RFTN2: variants seen among roughly 807,000 people sequenced by gnomAD.
The protein encoded by RFTN2 is raftlin family member 2.
Under a neutral mutation model 52.7 loss-of-function variants are expected in RFTN2, and 34 were observed. The observed-to-expected ratio is 0.64, with a 90% CI of 0.49 to 0.86. The LOEUF (loss-of-function observed/expected upper bound fraction) is 0.86, where lower values mean the gene tolerates loss of function less well. Ranked by LOEUF, RFTN2 falls within the 40% of genes least tolerant of loss-of-function variation. The pLI, the probability that RFTN2 is intolerant of heterozygous loss-of-function variation, is 0.00. For missense variants in RFTN2, 536 were observed against 600.1 expected (o/e 0.89, Z 1.12); for synonymous variants, 203 against 217.7 (o/e 0.93, Z 0.59).
intron 8 of RFTN2, among the ~76,000 whole-genome samples, chr2:197,575,638 G>A (rs1286991887): frequency 1.3e-5 from 2 of 151,714 alleles, no homozygotes; most frequent in African/African-American, 4.8e-5. Context: ...AGTGGCATGA[G>A]CCTGTAGTCC....
chr2:197,605,225 G>GTT (rs879719344), intron 7 of RFTN2, among the ~76,000 whole-genome samples: 1 of 145,828 alleles, frequency 6.9e-6, no homozygotes, highest in East Asian at 2.0e-4. Flanking sequence ...AATTTGTTGG[G>GTT]TTTTTTTTTT....
At chr2:197,580,983 T>G (rs1417296958) in intron 8 of RFTN2, among the ~76,000 whole-genome samples, 1 of 152,122 alleles carries the variant, frequency 6.6e-6, no homozygotes, top group Non-Finnish European at 1.5e-5. Context: ...TGTCTTCCTC[T>G]CGCATCCCCC....
intron 1 of RFTN2, among the ~76,000 whole-genome samples, chr2:197,648,173 G>A (rs2088779667): frequency 6.6e-6 from 1 of 152,156 alleles, no homozygotes; most frequent in African/African-American, 2.4e-5. Context: ...GGAAGGGCCA[G>A]AGGAAATCCC....
intron 3 of RFTN2, among the ~76,000 whole-genome samples, chr2:197,637,114 T>G (rs1427620415): frequency 1.3e-5 from 2 of 149,870 alleles, no homozygotes; most frequent in Non-Finnish European, 3.0e-5. Flanking sequence ...TGGATAAGCT[T>G]TTTGATGTGC....
At chr2:197,646,737 G>T in intron 1 of RFTN2, 71 bp from the exon 2 acceptor site, 1 of 1,191,346 alleles carries the variant, frequency 8.4e-7, no homozygotes, top group Non-Finnish European at 1.2e-6. Flanking sequence ...CTACCTATGG[G>T]TGATAATACT....
intron 1 of RFTN2, among the ~76,000 whole-genome samples, chr2:197,666,188 G>A (rs1007424547): frequency 3.9e-5 from 6 of 152,056 alleles, no homozygotes; most frequent in East Asian, 3.9e-4. Flanking sequence ...AGCTTCAAGC[G>A]TTTCTCTTGC....
intron 1 of RFTN2, among the ~76,000 whole-genome samples, chr2:197,674,318 T>C (rs539424093): frequency 1.1e-3 from 95 of 84,688 alleles, no homozygotes; most frequent in Non-Finnish European, 1.6e-3. Flanking sequence ...TGCACAAAGA[T>C]GCACTGTTTC....
intron 1 of RFTN2, among the ~76,000 whole-genome samples, chr2:197,647,587 G>T (rs1252020252): frequency 6.6e-6 from 1 of 152,178 alleles, no homozygotes; most frequent in Non-Finnish European, 1.5e-5. Context: ...TTATTAGGCA[G>T]CACTTGTCAA....
chr2:197,575,794 A>ATATATATTTTATAAACATAATATATATTC (rs2087402445), intron 8 of RFTN2, among the ~76,000 whole-genome samples: 1 of 131,212 alleles, frequency 7.6e-6, no homozygotes. Context: ...ATAATATATT[A>ATATATATTTTATAAACATAATATATATTC]TATATATTTT....
In RFTN2 at chr2:197,578,145, T is replaced by C. The variant is rs145664719; in HGVS notation, c.1234-5865A>G. On this transcript the variant is annotated intron_variant, in intron 8 of 8. Coordinates refer to ENST00000295049, the MANE Select transcript of RFTN2 (RefSeq NM_144629.3). ...CACCAGCGCTAGGGCCAAAGGTAAA[T>C]TTTGCAATTAATTCCTCTTTATATA... Among the ~76,000 whole-genome samples, 270 of 152,288 alleles carry C rather than the reference T, an allele frequency of 1.8e-3. 1 individual carries two copies. The highest frequency in any genetic ancestry group is 0.01 in the Middle Eastern group (3 of 294).
chr2:197,605,949 CCATATT>C (rs1284439054), intron 7 of RFTN2, among the ~76,000 whole-genome samples: 2 of 152,174 alleles, frequency 1.3e-5, no homozygotes, highest in African/African-American at 4.8e-5. Context: ...GATTCCTCTA[CCATATT>C]CACCTGCCTT....
chr2:197,582,144 C>T (rs1332671202), intron 8 of RFTN2, among the ~76,000 whole-genome samples: 2 of 152,070 alleles, frequency 1.3e-5, no homozygotes, highest in African/African-American at 2.4e-5. Flanking sequence ...GTTGCTGTTG[C>T]CCTAATACTT....
At chr2:197,600,551 A>G (rs2087863926) in intron 7 of RFTN2, among the ~76,000 whole-genome samples, 1 of 151,918 alleles carries the variant, frequency 6.6e-6, no homozygotes, top group Non-Finnish European at 1.5e-5. Context: ...TTATAGAGGG[A>G]CGCCTATTTG....
In RFTN2 at chr2:197,626,614, C is replaced by CTTTTTT. The variant is rs201711932; in HGVS notation, c.928+4396_928+4397insAAAAAA. 2.0e-4 allele frequency among the ~76,000 whole-genome samples: 20 copies of CTTTTTT among 97,644 alleles called. 1 individual carries two copies. The highest frequency in any genetic ancestry group is 4.2e-4 in the African/African-American group (10 of 23,802). The allele number at this position is 97,644 out of a possible 152,430, so 64.1% of individuals were successfully genotyped here. Reference sequence around the variant, plus strand: ...AGTTAAAATAAAAAAAAGGAATAATCTTCTTTTTTTTTTTTTTTTTTTTTT... The same window carrying CTTTTTT: ...AGTTAAAATAAAAAAAAGGAATAATCTTTTTTTTCTTTTTTTTTTTTTTTTTTTTTT... On this transcript the variant is annotated intron_variant, in intron 5 of 8. Coordinates refer to ENST00000295049, the MANE Select transcript of RFTN2 (RefSeq NM_144629.3).
At chr2:197,620,966 AAAAAC>A (rs940371321) in intron 5 of RFTN2, among the ~76,000 whole-genome samples, 3 of 152,166 alleles carry the variant, frequency 2.0e-5, no homozygotes, top group Admixed American at 2.0e-4. Flanking sequence ...ACTCCATCTC[AAAAAC>A]AAAACAAAAC....
chr2:197,612,565 T>C (rs1035664360), intron 7 of RFTN2, among the ~76,000 whole-genome samples: 9 of 152,220 alleles, frequency 5.9e-5, no homozygotes, highest in Non-Finnish European at 1.2e-4. Flanking sequence ...CCTTGAACTC[T>C]TGAAGGAAAA....
intron 1 of RFTN2, among the ~76,000 whole-genome samples, chr2:197,663,875 C>T (rs1217586493): frequency 6.6e-6 from 1 of 151,762 alleles, no homozygotes; most frequent in Non-Finnish European, 1.5e-5. Context: ...CTAGTTCTTT[C>T]AGGTACATTA....
At chr2:197,583,866 G>A (rs1187431336) in intron 8 of RFTN2, among the ~76,000 whole-genome samples, 2 of 152,080 alleles carry the variant, frequency 1.3e-5, no homozygotes, top group Non-Finnish European at 2.9e-5. Flanking sequence ...CTATGAGTGA[G>A]AACATGTGGT....
chr2:197,603,140 G>C (rs2087905545), intron 7 of RFTN2, among the ~76,000 whole-genome samples: 1 of 152,134 alleles, frequency 6.6e-6, no homozygotes, highest in Non-Finnish European at 1.5e-5. Context: ...GAGTTAATGG[G>C]TGCAGCACAC....
Sources: allele counts gnomAD v4.1 joint callset (sites outside exome capture counted in the v4.1 genomes callset), GRCh38; gene constraint gnomAD v4.1.1; transcripts MANE v1.5; gene names NCBI Gene and HGNC (gene_info 2026-07-23, HGNC 2026-07-21).